FRMPD1: variants seen among roughly 807,000 people sequenced by gnomAD.
FRMPD1 encodes the protein FERM and PDZ domain containing 1.
In FRMPD1, 76 loss-of-function variants were observed where a neutral mutation model predicts 117.8. The observed-to-expected ratio is 0.65, with a 90% confidence interval of 0.54 to 0.78. The LOEUF (loss-of-function observed/expected upper bound fraction) is 0.78. Among genes scored for constraint, FRMPD1 ranks in the 30% least tolerant of loss-of-function variants. FRMPD1 has a pLI of 0.00. For missense variants in FRMPD1, 1,786 were observed against 1,964.5 expected, an observed-to-expected ratio of 0.91 and a Z score of 1.72; for synonymous variants, 783 against 770.4, an observed-to-expected ratio of 1.02 and a Z score of -0.27.
In FRMPD1 at chr9:37,740,010, A is replaced by T; in HGVS notation, c.1550-68A>T. 8.3e-7 allele frequency: 1 copy of T among 1,204,022 alleles called. No homozygotes were observed. Among genetic ancestry groups the T allele is most frequent in the Non-Finnish European group, 1.2e-6 (1 of 847,748 alleles). The allele number at this position is 1,204,022 out of a possible 1,614,324, so 74.6% of individuals were successfully genotyped here. A position where few individuals can be genotyped will look rare whatever the true frequency, so the allele number is the denominator to read the frequency against. ...CGTCTGGCAGGGTTGGGTGGGGGTC[A>T]GGGGGCTAGAAGGACACATAGGTAG... On this transcript the variant is annotated intron_variant, in intron 14 of 15. Transcript: ENST00000377765. The surrounding 1 kb of genome is among the most constrained non-coding windows in gnomAD (Gnocchi z 4.2).
chr9:37,718,230 G>T (rs1005448693), intron 5 of FRMPD1, among the ~76,000 whole-genome samples: 28 of 152,148 alleles, frequency 1.8e-4, no homozygotes, highest in Non-Finnish European at 1.5e-5. Flanking sequence ...CCTGATTGTT[G>T]TTATGTATCT....
At position 37,735,617 on chromosome 9, in the gene FRMPD1, C is replaced by G. The variant is rs765377698; in HGVS notation, c.1284C>G (p.Ile428Met). 31 of 1,613,708 alleles carry G rather than the reference C, an allele frequency of 1.9e-5. No individual in the cohort carries two copies. The highest frequency in any genetic ancestry group is 2.5e-5 in the Non-Finnish European group (30 of 1,179,610). Residue 428 changes from isoleucine to methionine, a missense_variant, in exon 13 of 16, where the codon ATC becomes ATG. Coordinates refer to ENST00000377765, the MANE Select transcript of FRMPD1 (RefSeq NM_014907.3). ...CCAAGTATGGGATTAGCCAGGTTAT[C>G]AATAGCAAACTCAACATCATGTCCA... ...VGAKYGISQVINSKLNIMSTL... is the reference protein window; with the variant it reads ...VGAKYGISQVMNSKLNIMSTL...
chr9:37,684,737 A>T (rs1188004992), intron 1 of FRMPD1, among the ~76,000 whole-genome samples: 3 of 152,082 alleles, frequency 2.0e-5, no homozygotes, highest in South Asian at 2.1e-4. Flanking sequence ...ACAGGGAAAG[A>T]GTCAGTCATG....
At chr9:37,654,543 G>A (rs1268759572) in intron 1 of FRMPD1, among the ~76,000 whole-genome samples, 2 of 152,216 alleles carry the variant, frequency 1.3e-5, no homozygotes. Context: ...GTAAACTAGG[G>A]ATAATAACAG....
chr9:37,731,101 C>T lies in FRMPD1; in HGVS notation c.856C>T (p.Gln286Ter). 6.2e-7 allele frequency: 1 copy of T among 1,613,192 alleles called. No individual in the cohort carries two copies. The highest frequency in any genetic ancestry group is 8.5e-7 in the Non-Finnish European group (1 of 1,179,182). The change falls in exon 9 of 16, where the codon CAG becomes TAG. Residue 286 changes from glutamine to a stop codon, truncating the protein, a stop_gained and splice_region_variant. Coordinates refer to ENST00000377765, the MANE Select transcript of FRMPD1 (RefSeq NM_014907.3). LOFTEE classifies it high-confidence loss of function. ...DPVAFEYLYL[Q>*]SCSDVLQERF... is the part of the protein sequence containing the mutation. ...CGTGGCCTTTGAATACCTCTATCTG[C>T]AGGTGACTGGGTCTGTGCTTCCTAA...
intron 8 of FRMPD1, 115 bp from the exon 9 acceptor site, chr9:37,730,869 T>C (rs531515557): frequency 1.2e-5 from 13 of 1,064,186 alleles, no homozygotes; most frequent in East Asian, 2.4e-5. Context: ...AGCACTAGAA[T>C]TGAAATCTCT....
chr9:37,603,670 A>ATTTTG, the FRMPD1 span, among the ~76,000 whole-genome samples: 15 of 143,202 alleles, frequency 1.0e-4, no homozygotes, highest in East Asian at 1.9e-4. Context: ...GTTTTGTTTT[A>ATTTTG]TTTTGTTTTG....
the FRMPD1 span, among the ~76,000 whole-genome samples, chr9:37,628,512 T>G: frequency 6.6e-6 from 1 of 152,126 alleles, no homozygotes; most frequent in Admixed American, 6.5e-5. Context: ...ACAGAAATAA[T>G]AGTTTTGATG....
chr9:37,720,843 C>T (rs746373381), intron 6 of FRMPD1, among the ~76,000 whole-genome samples: 17 of 152,248 alleles, frequency 1.1e-4, no homozygotes, highest in Middle Eastern at 3.2e-3. Context: ...GCCGAGATTG[C>T]GCCACTGCGC....
chr9:37,618,577 G>T, the FRMPD1 span, among the ~76,000 whole-genome samples: 1 of 152,130 alleles, frequency 6.6e-6, no homozygotes, highest in Admixed American at 6.5e-5. Flanking sequence ...CATATTAAGT[G>T]TCAATACCTT....
the FRMPD1 span, among the ~76,000 whole-genome samples, chr9:37,625,471 A>G: frequency 6.6e-6 from 1 of 152,170 alleles, no homozygotes; most frequent in Non-Finnish European, 1.5e-5. Flanking sequence ...TTCCTCAAGC[A>G]TAGGTGGACG....
Position 37,685,487 on chromosome 9 carries a change from C to CA in FRMPD1, c.-4-7137dup, listed in dbSNP as rs770271962. Among the ~76,000 whole-genome samples the CA allele has an allele frequency of 7.5e-3, 1,045 of 139,464 alleles. 7 individuals are homozygous for CA. The highest frequency in any genetic ancestry group is 0.019 in the African/African-American group (739 of 38,032). The allele number at this position is 139,464 out of a possible 152,430, so 91.5% of individuals were successfully genotyped here. Reference sequence around the variant, plus strand: ...TGAAACCCTGTCTCTACTAAAAATACAAAAAAAAAAAAAATTTAGCCGGGC... The same window carrying CA: ...TGAAACCCTGTCTCTACTAAAAATACAAAAAAAAAAAAAAATTTAGCCGGGC... On this transcript the variant is annotated intron_variant, in intron 1 of 15. Transcript: ENST00000377765.
chr9:37,713,915 T>C (rs1016810017), intron 5 of FRMPD1, among the ~76,000 whole-genome samples: 1 of 152,222 alleles, frequency 6.6e-6, no homozygotes, highest in Non-Finnish European at 1.5e-5. Flanking sequence ...GGTGATTTGA[T>C]TACATGAAAA....
At chr9:37,666,806 C>T (rs755673413) in intron 1 of FRMPD1, among the ~76,000 whole-genome samples, 5 of 152,146 alleles carry the variant, frequency 3.3e-5, no homozygotes, top group Non-Finnish European at 7.4e-5. Flanking sequence ...AGGAATGAAA[C>T]GGGCATAATT....
chr9:37,684,889 G>C (rs1821866835), intron 1 of FRMPD1, among the ~76,000 whole-genome samples: 1 of 152,082 alleles, frequency 6.6e-6, no homozygotes, highest in South Asian at 2.1e-4. Flanking sequence ...GATTAGCTGG[G>C]ATTACAGGTG....
chr9:37,672,306 T>C (rs564415698), intron 1 of FRMPD1, among the ~76,000 whole-genome samples: 40 of 151,902 alleles, frequency 2.6e-4, no homozygotes, highest in Non-Finnish European at 4.9e-4. Context: ...CTCCGTGCCA[T>C]GAACAAAAAA....
chr9:37,611,234 T>A, the FRMPD1 span, among the ~76,000 whole-genome samples: 1 of 152,196 alleles, frequency 6.6e-6, no homozygotes, highest in East Asian at 1.9e-4. Context: ...TGCATTCTCA[T>A]CAGCAACGTA....
rs551243127 is a variant in FRMPD1 at position 37,735,450 on chromosome 9, T to C, written c.1219-102T>C. The C allele has an allele frequency of 8.5e-5, 71 of 836,442 alleles. 1 individual carries two copies. In the South Asian group the frequency reaches 1.0e-3, roughly 12 times the overall value. 51.8% of individuals were successfully genotyped at this position (836,442 alleles called of 1,614,324 possible). On this transcript the variant is annotated intron_variant, in intron 12 of 15. Coordinates refer to ENST00000377765, the MANE Select transcript of FRMPD1 (RefSeq NM_014907.3). Reference sequence around the variant, plus strand: ...GAGGAGTGGTGGTTAGGATCCAAAGTAGGAATCAAGGAGTTTGCAGCGAGA... The same window carrying C: ...GAGGAGTGGTGGTTAGGATCCAAAGCAGGAATCAAGGAGTTTGCAGCGAGA...
intron 1 of FRMPD1, among the ~76,000 whole-genome samples, chr9:37,674,448 T>A (rs1290392267): frequency 1.3e-5 from 2 of 152,228 alleles, no homozygotes; most frequent in Admixed American, 1.3e-4. Flanking sequence ...TTTTCCTGCC[T>A]TCTTCTGAGC....
Sources: allele counts gnomAD v4.1 joint callset (sites outside exome capture counted in the v4.1 genomes callset), GRCh38; gene constraint gnomAD v4.1.1; non-coding constraint Gnocchi (gnomAD v3.1); transcripts MANE v1.5; gene names NCBI Gene and HGNC (gene_info 2026-07-23, HGNC 2026-07-21).